The following CFAP299 variants were observed in gnomAD, a reference collection of about 807,000 sequenced individuals.
CFAP299 encodes cilia and flagella associated protein 299.
A neutral mutation model predicts 27.0 loss-of-function variants in CFAP299; 21 were observed. The observed-to-expected ratio is 0.78, with a 90% confidence interval of 0.55 to 1.12. The LOEUF is 1.12. CFAP299 is among the 50% of genes most tolerant of loss of function. CFAP299 has a pLI of 0.00. For missense variants in CFAP299, 310 were observed against 276.6 expected (o/e 1.12, Z -0.86); for synonymous variants, 104 against 98.1 (o/e 1.06, Z -0.36).
At chr4:80,423,628 G>A (rs1042005926) in intron 2 of CFAP299, among the ~76,000 whole-genome samples, 19 of 152,294 alleles carry the variant, frequency 1.2e-4, no homozygotes, top group African/African-American at 4.1e-4. Flanking sequence ...TATTTGCTTA[G>A]TTACTGGAGG....
At chr4:80,898,578 G>C (rs1012287979) in intron 4 of CFAP299, among the ~76,000 whole-genome samples, 1 of 151,878 alleles carries the variant, frequency 6.6e-6, no homozygotes, top group Non-Finnish European at 1.5e-5. Context: ...TTTTCGGCTT[G>C]AGGGTGGGTC....
intron 3 of CFAP299, among the ~76,000 whole-genome samples, chr4:80,670,993 A>G (rs1741445954): frequency 6.6e-6 from 1 of 152,162 alleles, no homozygotes; most frequent in Admixed American, 6.5e-5. Flanking sequence ...CTTTAGTTTA[A>G]TTAGATCGCA....
chr4:80,684,634 G>C (rs10516646), intron 3 of CFAP299, among the ~76,000 whole-genome samples: 11 of 152,164 alleles, frequency 7.2e-5, no homozygotes, highest in African/African-American at 2.7e-4. Flanking sequence ...GAATCAAAGA[G>C]TCATTATAGT....
chr4:80,911,512 G>A (rs764598164), intron 4 of CFAP299, among the ~76,000 whole-genome samples: 2 of 152,066 alleles, frequency 1.3e-5, no homozygotes, highest in Admixed American at 6.5e-5. Context: ...CTCCAAATGA[G>A]ATATTTTTAT....
intron 2 of CFAP299, among the ~76,000 whole-genome samples, chr4:80,490,548 C>G (rs1731065383): frequency 6.6e-6 from 1 of 152,190 alleles, no homozygotes; most frequent in African/African-American, 2.4e-5. Flanking sequence ...ACATTATAAT[C>G]TGTCAGTGAA....
intron 4 of CFAP299, chr4:80,872,897 A>G (rs1296323406): frequency 5.2e-6 from 5 of 960,934 alleles, no homozygotes; most frequent in Non-Finnish European, 6.2e-6. Flanking sequence ...TCAAAATATC[A>G]TCTCTCTGTG....
chr4:80,827,380 T>G (rs1413255103), intron 3 of CFAP299, among the ~76,000 whole-genome samples: 1 of 151,836 alleles, frequency 6.6e-6, no homozygotes, highest in Non-Finnish European at 1.5e-5. Context: ...GGATTTATTC[T>G]TTGAATAAAA....
chr4:80,334,290 C>A (rs1489958932), upstream of CFAP299, among the ~76,000 whole-genome samples: 1 of 152,096 alleles, frequency 6.6e-6, no homozygotes, highest in Non-Finnish European at 1.5e-5. Context: ...ACATATAGGT[C>A]CTTTTCATTA....
intron 3 of CFAP299, among the ~76,000 whole-genome samples, chr4:80,662,095 G>A (rs7658342): frequency 0.075 from 11,359 of 152,018 alleles, 614 homozygotes; most frequent in East Asian, 0.22. Context: ...TTTTAATTTC[G>A]CCCTGGTCCT....
chr4:80,711,713 C>T (rs1722184538), intron 3 of CFAP299, among the ~76,000 whole-genome samples: 1 of 152,084 alleles, frequency 6.6e-6, no homozygotes, highest in South Asian at 2.1e-4. Flanking sequence ...CTTTGTTATG[C>T]TATTTAAAAA....
In CFAP299 at chr4:80,858,178, G is replaced by T. The variant is rs1395285405; in HGVS notation, c.334-11815G>T. On this transcript the variant is annotated intron_variant, in intron 3 of 5. Transcript: ENST00000358105. Reference sequence around the variant, plus strand: ...GGAATTTATCCATTTCTTCTAGATTGTCTAGTTCATTTGCATAGAGGTGTT... The same window carrying T: ...GGAATTTATCCATTTCTTCTAGATTTTCTAGTTCATTTGCATAGAGGTGTT... Among the ~76,000 whole-genome samples the T allele has an allele frequency of 7.9e-5, 12 of 152,270 alleles. No individual in the cohort carries two copies. In the South Asian group the frequency reaches 1.7e-3, roughly 21 times the overall value.
In CFAP299 at chr4:80,884,717, TAAAC is replaced by T. The variant is rs143435977; in HGVS notation, c.476+14586_476+14589del. ...AGCTAATTTTTTATAAAAAATAAAATAAACAAAGTTGACATTCCTTTAGCTAGAC... is the reference window on the plus strand; with the variant it reads ...AGCTAATTTTTTATAAAAAATAAAATAAAGTTGACATTCCTTTAGCTAGAC... On this transcript the variant is annotated intron_variant, in intron 4 of 5. Transcript: ENST00000358105. 6.2e-5 allele frequency among the ~76,000 whole-genome samples: 9 copies of T among 145,212 alleles called. No individual in the cohort carries two copies. The South Asian group carries it at 2.0e-3, about 32-fold the overall frequency.
At chr4:80,797,889 G>A (rs1178762902) in intron 3 of CFAP299, among the ~76,000 whole-genome samples, 1 of 152,112 alleles carries the variant, frequency 6.6e-6, no homozygotes, top group Non-Finnish European at 1.5e-5. Context: ...CACAGTGGGG[G>A]CAATCTTTTA....
At chr4:80,503,842 A>G (rs1370619301) in intron 2 of CFAP299, among the ~76,000 whole-genome samples, 1 of 152,170 alleles carries the variant, frequency 6.6e-6, no homozygotes, top group African/African-American at 2.4e-5. Context: ...CCAAAACATT[A>G]ATGTTCAGTC....
intron 3 of CFAP299, among the ~76,000 whole-genome samples, chr4:80,596,202 A>C (rs913182774): frequency 7.2e-5 from 11 of 152,180 alleles, no homozygotes; most frequent in African/African-American, 1.2e-4. Context: ...AGCAGGGTTT[A>C]TCTTGTTCAG....
chr4:80,675,467 G>A (rs540356920), intron 3 of CFAP299, among the ~76,000 whole-genome samples: 6 of 152,316 alleles, frequency 3.9e-5, no homozygotes, highest in African/African-American at 1.4e-4. Context: ...TCTGGGAGGT[G>A]TCTCCCAGTT....
chr4:80,887,742 A>T (rs1734042916), intron 4 of CFAP299, among the ~76,000 whole-genome samples: 1 of 152,162 alleles, frequency 6.6e-6, no homozygotes, highest in African/African-American at 2.4e-5. Flanking sequence ...TAAATTATGA[A>T]CTAATTAACC....
At chr4:80,602,998 C>T (rs975579403) in intron 3 of CFAP299, among the ~76,000 whole-genome samples, 16 of 152,078 alleles carry the variant, frequency 1.1e-4, no homozygotes, top group African/African-American at 3.4e-4. Flanking sequence ...GAGGTGCTGG[C>T]GGTGTGTGCC....
intron 4 of CFAP299, among the ~76,000 whole-genome samples, chr4:80,877,119 T>C (rs1353789936): frequency 6.6e-6 from 1 of 152,174 alleles, no homozygotes; most frequent in Non-Finnish European, 1.5e-5. Flanking sequence ...TAGGGAAACA[T>C]TGGCCCTGAC....
Sources: gnomAD v4.1 joint callset for allele counts (sites outside exome capture counted in the v4.1 genomes callset) on GRCh38, gnomAD v4.1.1 for gene constraint, MANE v1.5 for transcripts, NCBI Gene and HGNC (gene_info 2026-07-23, HGNC 2026-07-21) for gene names.